Variants in OSBPL10 observed in about 807,000 individuals in gnomAD.
The protein encoded by OSBPL10 is oxysterol-binding protein-related protein 10.
In OSBPL10, 49 loss-of-function variants were observed where a neutral mutation model predicts 81.7. The observed-to-expected ratio is 0.60, with a 90% CI of 0.48 to 0.76. OSBPL10 has a LOEUF of 0.76. Ranked by LOEUF, OSBPL10 falls within the 30% of genes least tolerant of loss-of-function variation. The pLI, the probability that OSBPL10 is intolerant of heterozygous loss-of-function variation, is 0.00. For synonymous variants in OSBPL10, 419 were observed against 383.6 expected (o/e 1.09, Z -1.08); for missense variants, 923 against 987.8 (o/e 0.93, Z 0.88).
At chr3:31,703,630 C>T (rs1695967032) in intron 6 of OSBPL10, 1 of 152,242 alleles carries the variant, frequency 6.6e-6, no homozygotes, top group Non-Finnish European at 1.5e-5. Context: ...ACGGACCATT[C>T]CTTTCCAACA....
intron 2 of OSBPL10, among the ~76,000 whole-genome samples, chr3:32,010,090 G>T (rs1478809288): frequency 6.6e-6 from 1 of 152,126 alleles, no homozygotes; most frequent in East Asian, 1.9e-4. Context: ...CTCATAAGAA[G>T]AGTCAAAGAG....
rs1696941670 is a variant in OSBPL10, at chr3:31,922,386, T to G, written c.282-42556A>C. On this transcript the variant is annotated intron_variant, in intron 1 of 11. Coordinates refer to ENST00000396556, the MANE Select transcript of OSBPL10 (RefSeq NM_017784.5). ...GTAATCCCAGCACTTTGGGAGGCCA[T>G]GGCGGGCAGATCACCTGAGGTCAGG... is the stretch of plus-strand genomic sequence containing the variant. Among the ~76,000 whole-genome samples, 3 of 152,074 alleles carry G rather than the reference T, an allele frequency of 2.0e-5. No individual in the cohort carries two copies. In the South Asian group the frequency reaches 6.2e-4, roughly 32 times the overall value.
At chr3:31,722,253 A>G (rs1696669331) in intron 6 of OSBPL10, among the ~76,000 whole-genome samples, 1 of 152,136 alleles carries the variant, frequency 6.6e-6, no homozygotes, top group Admixed American at 6.5e-5. Flanking sequence ...CCGTCAAGGA[A>G]CCTGTATTCT....
At chr3:31,840,686 T>TA (rs555868374) in intron 3 of OSBPL10, among the ~76,000 whole-genome samples, 60 of 152,350 alleles carry the variant, frequency 3.9e-4, no homozygotes, top group African/African-American at 1.4e-3. Context: ...GCAATTTTCC[T>TA]AAAAACACTG....
At chr3:31,766,449 C>A (rs1698203132) in intron 4 of OSBPL10, among the ~76,000 whole-genome samples, 1 of 150,136 alleles carries the variant, frequency 6.7e-6, no homozygotes, top group Non-Finnish European at 1.5e-5. Flanking sequence ...CTCAGATGAT[C>A]CTCTGAGCTC....
In OSBPL10 at chr3:32,021,395, C is replaced by T. The variant is rs181176133; in HGVS notation, n.298+25096G>A. Reference sequence around the variant, plus strand: ...TCCTAGAACTGGAATTACTGGGTTACGTTTAACATTTTAAGAAGCCATTTG... The same window carrying T: ...TCCTAGAACTGGAATTACTGGGTTATGTTTAACATTTTAAGAAGCCATTTG... On this transcript the variant is annotated intron_variant and non_coding_transcript_variant, in intron 2 of 3. Transcript: ENST00000479173. Among the ~76,000 whole-genome samples, 301 of 152,258 alleles carry T rather than the reference C, an allele frequency of 2.0e-3. 1 individual carries two copies. The highest frequency in any genetic ancestry group is 3.6e-3 in the Non-Finnish European group (244 of 68,022).
intron 2 of OSBPL10, among the ~76,000 whole-genome samples, chr3:32,015,634 A>C (rs1254747029): frequency 1.3e-5 from 2 of 152,230 alleles, no homozygotes; most frequent in Admixed American, 6.5e-5. Flanking sequence ...TCTGCACAGC[A>C]AAAGAAACTA....
chr3:31,954,895 G>C (rs1018725489), intron 1 of OSBPL10, among the ~76,000 whole-genome samples: 3 of 152,250 alleles, frequency 2.0e-5, no homozygotes, highest in Non-Finnish European at 4.4e-5. Flanking sequence ...ATCTATGGAT[G>C]AGACAGATGG....
intron 4 of OSBPL10, among the ~76,000 whole-genome samples, chr3:31,792,540 G>T (rs1348775934): frequency 6.6e-6 from 1 of 152,132 alleles, no homozygotes; most frequent in East Asian, 1.9e-4. Flanking sequence ...GCGGGGCGGA[G>T]GGGGGTGGTG....
At chr3:32,034,898 C>A (rs1469401467) in intron 2 of OSBPL10, among the ~76,000 whole-genome samples, 4 of 152,192 alleles carry the variant, frequency 2.6e-5, no homozygotes, top group Admixed American at 2.6e-4. Context: ...AAATAAATAT[C>A]AAGTATACAG....
At chr3:31,769,495 T>C (rs1469558264) in intron 4 of OSBPL10, among the ~76,000 whole-genome samples, 1 of 137,466 alleles carries the variant, frequency 7.3e-6, no homozygotes, top group Non-Finnish European at 1.5e-5. Flanking sequence ...TAAAAATATA[T>C]TTTATTAAAA....
upstream of OSBPL10, among the ~76,000 whole-genome samples, chr3:31,985,977 C>G (rs1390939724): frequency 3.0e-4 from 46 of 152,160 alleles, no homozygotes; most frequent in Admixed American, 2.9e-3. Context: ...TCAACTTAGG[C>G]AATTTGGCTA....
At chr3:32,021,934 C>T (rs1196425248) in intron 2 of OSBPL10, among the ~76,000 whole-genome samples, 2 of 149,310 alleles carry the variant, frequency 1.3e-5, no homozygotes, top group Non-Finnish European at 3.0e-5. Context: ...GAGTCATGGT[C>T]GTGCTACTGC....
In OSBPL10 at chr3:31,899,052, C is replaced by CCTTACAGGTTTAAGCAAGTCT. The variant is rs140137650; in HGVS notation, c.282-19223_282-19222insAGACTTGCTTAAACCTGTAAG. Among the ~76,000 whole-genome samples, 25 of 148,420 alleles carry CCTTACAGGTTTAAGCAAGTCT rather than the reference C, an allele frequency of 1.7e-4. No individual in the cohort carries two copies. The East Asian group carries it at 2.0e-3, about 12-fold the overall frequency. Reference sequence around the variant, plus strand: ...TCTTGGCTCACTGCAACCTCTGCCTCCCTGCCTCAGCCTATCAAGTAGCTG... The same window carrying CCTTACAGGTTTAAGCAAGTCT: ...TCTTGGCTCACTGCAACCTCTGCCTCCTTACAGGTTTAAGCAAGTCTCCTGCCTCAGCCTATCAAGTAGCTG... On this transcript the variant is annotated intron_variant, in intron 1 of 11. Coordinates refer to ENST00000396556, the MANE Select transcript of OSBPL10 (RefSeq NM_017784.5).
rs200458196 is a variant in OSBPL10 at position 31,702,516 on chromosome 3, G to GA, written c.1096-9dup. 2,303 of 1,613,890 alleles carry GA rather than the reference G, an allele frequency of 1.4e-3. 40 individuals are homozygous for GA. The African/African-American group carries it at 0.028, about 20-fold the overall frequency. On this transcript the variant is annotated splice_polypyrimidine_tract_variant and intron_variant, in intron 6 of 11. Coordinates refer to ENST00000396556, the MANE Select transcript of OSBPL10 (RefSeq NM_017784.5). The stretch of plus-strand genomic sequence containing the variant: ...TTCAGAGCCTGAGTTTGGCTAAAAT[G>GA]AAATAATCAATAAAAATCACCAGCT...
At chr3:31,679,290 GTC>G (rs768651568) in intron 8 of OSBPL10, among the ~76,000 whole-genome samples, 7 of 152,230 alleles carry the variant, frequency 4.6e-5, no homozygotes, top group Non-Finnish European at 7.4e-5. Context: ...TTCCTACTTT[GTC>G]TCTTAGTGTC....
At chr3:31,947,632 A>G (rs919917419) in intron 1 of OSBPL10, among the ~76,000 whole-genome samples, 3 of 152,202 alleles carry the variant, frequency 2.0e-5, no homozygotes, top group Non-Finnish European at 4.4e-5. Context: ...GGAAGTCTAA[A>G]GATGACCAAC....
chr3:31,976,107 T>A lies in OSBPL10; in HGVS notation c.281+4792A>T, dbSNP rs369229179. ...AGTAATCATCTTCTCCCCAAAGAACTCTATGATAATTATGTTAATGTGGTC... is the reference window on the plus strand; with the variant it reads ...AGTAATCATCTTCTCCCCAAAGAACACTATGATAATTATGTTAATGTGGTC... On this transcript the variant is annotated intron_variant, in intron 1 of 11. Transcript: ENST00000396556. Among the ~76,000 whole-genome samples, 5 of 152,182 alleles carry A rather than the reference T, an allele frequency of 3.3e-5. No homozygotes were observed. The East Asian group carries it at 9.6e-4, about 29-fold the overall frequency.
intron 5 of OSBPL10, among the ~76,000 whole-genome samples, chr3:31,740,624 T>G (rs950939481): frequency 1.3e-5 from 2 of 151,746 alleles, no homozygotes; most frequent in African/African-American, 4.9e-5. Context: ...CTTATGAAGC[T>G]GGGTATGGTG....
Sources: gnomAD v4.1 joint callset for allele counts (sites outside exome capture counted in the v4.1 genomes callset) on GRCh38, gnomAD v4.1.1 for gene constraint, MANE v1.5 for transcripts, NCBI Gene and HGNC (gene_info 2026-07-23, HGNC 2026-07-21) for gene names.